GTF2A1L: variants seen among roughly 807,000 people sequenced by gnomAD.
GTF2A1L encodes the protein TFIIA-alpha and beta-like factor.
GTF2A1L carries 48 observed loss-of-function variants against 49.7 expected under a neutral mutation model. The observed-to-expected ratio is 0.97, with a 90% CI of 0.77 to 1.23. GTF2A1L has a LOEUF of 1.23. GTF2A1L is among the 50% of genes most tolerant of loss of function. The pLI, the probability that GTF2A1L is intolerant of heterozygous loss-of-function variation, is 0.00. For missense variants in GTF2A1L, 736 were observed against 564.8 expected, an observed-to-expected ratio of 1.30 and a Z score of -3.07; for synonymous variants, 246 against 193.5, an observed-to-expected ratio of 1.27 and a Z score of -2.25.
chr2:48,667,331 G>A (rs1409821027), intron 6 of GTF2A1L, among the ~76,000 whole-genome samples: 1 of 152,016 alleles, frequency 6.6e-6, no homozygotes, highest in Non-Finnish European at 1.5e-5. Flanking sequence ...TTATAGTTGG[G>A]AATGGACATT....
chr2:48,659,324 A>G (rs902998429), intron 6 of GTF2A1L, among the ~76,000 whole-genome samples: 3 of 152,132 alleles, frequency 2.0e-5, no homozygotes, highest in African/African-American at 7.2e-5. Flanking sequence ...CCAGTAATTC[A>G]TATATTTGAT....
chr2:48,657,811 A>G (rs1678266763), intron 6 of GTF2A1L, among the ~76,000 whole-genome samples: 1 of 150,946 alleles, frequency 6.6e-6, no homozygotes, highest in Non-Finnish European at 1.5e-5. Context: ...CTTGTGTGAG[A>G]TGATATCTTA....
chr2:48,642,546 A>G lies in GTF2A1L; in HGVS notation c.303+89A>G, dbSNP rs1275098205. 19 of 1,265,138 alleles carry G rather than the reference A, an allele frequency of 1.5e-5. No individual in the cohort carries two copies. The East Asian group carries it at 5.0e-4, about 34-fold the overall frequency. The allele number at this position is 1,265,138 out of a possible 1,614,324, so 78.4% of individuals were successfully genotyped here. On this transcript the variant is annotated intron_variant, in intron 4 of 8. Coordinates refer to ENST00000403751, the MANE Select transcript of GTF2A1L (RefSeq NM_006872.5). ...ATGCTGAACATAGATGTAATTTCTT[A>G]CCCTCCAGTTGAAAGTGAAAAGATG...
intron 8 of GTF2A1L, among the ~76,000 whole-genome samples, chr2:48,674,946 T>C (rs757455143): frequency 1.3e-5 from 2 of 152,080 alleles, no homozygotes; most frequent in Non-Finnish European, 2.9e-5. Flanking sequence ...TGGGGAACCA[T>C]TGAAACATTT....
chr2:48,634,041 A>C (rs956593699), intron 3 of GTF2A1L, among the ~76,000 whole-genome samples: 5 of 151,880 alleles, frequency 3.3e-5, no homozygotes, highest in Admixed American at 2.6e-4. Context: ...CTTGTTTTTT[A>C]TCTAACTTGC....
At chr2:48,635,967 G>C (rs1038824178) in intron 3 of GTF2A1L, among the ~76,000 whole-genome samples, 1 of 152,288 alleles carries the variant, frequency 6.6e-6, no homozygotes, top group Admixed American at 6.5e-5. Context: ...GGAAAGGTGA[G>C]TCACTGAGGG....
At chr2:48,657,309 G>A (rs546316758) in intron 6 of GTF2A1L, among the ~76,000 whole-genome samples, 1 of 151,996 alleles carries the variant, frequency 6.6e-6, no homozygotes, top group Non-Finnish European at 1.5e-5. Context: ...CTGGGTGTCC[G>A]TATGTGCCCA....
At chr2:48,665,894 G>A (rs1017110329) in intron 6 of GTF2A1L, among the ~76,000 whole-genome samples, 1 of 152,058 alleles carries the variant, frequency 6.6e-6, no homozygotes, top group South Asian at 2.1e-4. Context: ...ACTACTGAGA[G>A]AGGAATTTTA....
chr2:48,628,426 T>TG lies in GTF2A1L; in HGVS notation c.247+7137dup, dbSNP rs1376034903. On this transcript the variant is annotated intron_variant, in intron 3 of 8. Transcript: ENST00000403751. ...TTTTAATAATAGCCATTGTGACTGG[T>TG]GTGAGGTGGTATATTCTTGTGTTTT... is the stretch of plus-strand genomic sequence containing the variant. 9.7e-5 allele frequency among the ~76,000 whole-genome samples: 14 copies of TG among 144,248 alleles called. 1 individual carries two copies. The East Asian group carries it at 1.8e-3, about 18-fold the overall frequency. The allele number at this position is 144,248 out of a possible 152,430, so 94.6% of individuals were successfully genotyped here. A position where few individuals can be genotyped will look rare whatever the true frequency, so the allele number is the denominator to read the frequency against.
chr2:48,670,095 A>G (rs1679085204), intron 7 of GTF2A1L, 113 bp downstream of exon 7: 1 of 1,429,568 alleles, frequency 7.0e-7, no homozygotes, highest in Non-Finnish European at 9.2e-7. Context: ...ACTCTTTTGA[A>G]ATAAGACTTA....
intron 6 of GTF2A1L, among the ~76,000 whole-genome samples, chr2:48,653,133 AT>A (rs1255371191): frequency 6.8e-6 from 1 of 147,348 alleles, no homozygotes. Context: ...AGGCAGGAGG[AT>A]GGCATGAACC....
chr2:48,628,317 G>A (rs906168558), intron 3 of GTF2A1L, among the ~76,000 whole-genome samples: 2 of 144,214 alleles, frequency 1.4e-5, no homozygotes, highest in Non-Finnish European at 3.1e-5. Flanking sequence ...GTCCACAGTG[G>A]CTGAACTAAT....
chr2:48,679,450 G>T lies in GTF2A1L; in HGVS notation c.*8G>T. The T allele has an allele frequency of 6.2e-7, 1 of 1,611,734 alleles. No homozygotes were observed. The highest frequency in any genetic ancestry group is 8.5e-7 in the Non-Finnish European group (1 of 1,178,636). ...GGTGATGCAGAGTGGTAAACCTTGT[G>T]AGCTCAGTACATCTATTTTGTGAAC... On this transcript the variant is annotated 3_prime_UTR_variant, in exon 9 of 9. Coordinates refer to ENST00000403751, the MANE Select transcript of GTF2A1L (RefSeq NM_006872.5).
intron 3 of GTF2A1L, among the ~76,000 whole-genome samples, chr2:48,622,512 T>C (rs1452690504): frequency 6.6e-6 from 1 of 152,220 alleles, no homozygotes; most frequent in Non-Finnish European, 1.5e-5. Flanking sequence ...GATGTTTTTT[T>C]AACTTATGGT....
chr2:48,642,291 T>TG, intron 3 of GTF2A1L, 111 bp from the exon 4 acceptor site: 1 of 1,050,256 alleles, frequency 9.5e-7, no homozygotes. Context: ...GAATTCACCA[T>TG]GGTTTAACCT....
chr2:48,637,939 TTG>T (rs1321781701), intron 3 of GTF2A1L, among the ~76,000 whole-genome samples: 1 of 152,058 alleles, frequency 6.6e-6, no homozygotes, highest in Non-Finnish European at 1.5e-5. Flanking sequence ...TCAGAAACTA[TTG>T]TGAACAACAC....
chr2:48,659,746 A>G (rs1678383267), intron 6 of GTF2A1L, among the ~76,000 whole-genome samples: 2 of 151,814 alleles, frequency 1.3e-5, no homozygotes, highest in African/African-American at 2.4e-5. Flanking sequence ...AAATGAAATT[A>G]TTTTCCTAAT....
intron 3 of GTF2A1L, among the ~76,000 whole-genome samples, chr2:48,639,480 A>G (rs1677087808): frequency 1.3e-5 from 2 of 152,332 alleles, no homozygotes; most frequent in Middle Eastern, 6.8e-3. Flanking sequence ...TGGTGCTGGG[A>G]TAACTGGCTA....
At chr2:48,662,190 A>G (rs372026590) in intron 6 of GTF2A1L, among the ~76,000 whole-genome samples, 1 of 152,158 alleles carries the variant, frequency 6.6e-6, no homozygotes, top group South Asian at 2.1e-4. Context: ...ACTTTGTCTT[A>G]TTGTTGTTAC....
Sources: allele counts gnomAD v4.1 joint callset (sites outside exome capture counted in the v4.1 genomes callset), GRCh38; gene constraint gnomAD v4.1.1; transcripts MANE v1.5; gene names NCBI Gene and HGNC (gene_info 2026-07-23, HGNC 2026-07-21).